SCHIP1: variants seen among roughly 807,000 people sequenced by gnomAD.
The protein encoded by SCHIP1 is schwannomin interacting protein 1.
In SCHIP1, 8 loss-of-function variants were observed where a neutral mutation model predicts 29.7. The ratio of observed to expected loss-of-function variants is 0.27; its 90% confidence interval spans 0.16 to 0.49. The LOEUF is 0.49. Among genes scored for constraint, SCHIP1 ranks in the 20% least tolerant of loss-of-function variants. The pLI, the probability that SCHIP1 is intolerant of heterozygous loss-of-function variation, is 0.99. For synonymous variants in SCHIP1, 76 were observed against 94.9 expected (o/e 0.80, Z 1.16); for missense variants, 193 against 294.6 (o/e 0.66, Z 2.52).
chr3:159,295,358 G>A, the SCHIP1 span, among the ~76,000 whole-genome samples: 1 of 151,858 alleles, frequency 6.6e-6, no homozygotes, highest in Non-Finnish European at 1.5e-5. Flanking sequence ...GAACCCGGGA[G>A]GTGGAGGTTG....
the SCHIP1 span, among the ~76,000 whole-genome samples, chr3:159,353,926 CTT>C: frequency 2.0e-5 from 3 of 152,122 alleles, no homozygotes; most frequent in Non-Finnish European, 4.4e-5. Context: ...TTCAATAATT[CTT>C]TGTTAGCTAC....
At chr3:159,373,522 A>G in the SCHIP1 span, among the ~76,000 whole-genome samples, 1 of 152,048 alleles carries the variant, frequency 6.6e-6, no homozygotes, top group South Asian at 2.1e-4. Context: ...GTCTATCTCC[A>G]AGAAAATAGA....
At chr3:159,728,913 G>A in the SCHIP1 span, among the ~76,000 whole-genome samples, 2 of 152,186 alleles carry the variant, frequency 1.3e-5, no homozygotes, top group Non-Finnish European at 2.9e-5. Context: ...ACTTTGGGAG[G>A]CCAAGGCAGG....
At chr3:159,777,454 G>GA in the SCHIP1 span, among the ~76,000 whole-genome samples, 3 of 151,416 alleles carry the variant, frequency 2.0e-5, no homozygotes. Flanking sequence ...ACATCCAAAG[G>GA]AAAAAAACAA....
At chr3:159,674,073 G>T in the SCHIP1 span, among the ~76,000 whole-genome samples, 1 of 152,090 alleles carries the variant, frequency 6.6e-6, no homozygotes, top group Non-Finnish European at 1.5e-5. Flanking sequence ...TACTTCCTTT[G>T]TTCTTCAAAG....
the SCHIP1 span, among the ~76,000 whole-genome samples, chr3:159,780,218 G>A: frequency 1.3e-5 from 2 of 152,270 alleles, no homozygotes; most frequent in East Asian, 1.9e-4. Flanking sequence ...AGGGACAGTC[G>A]GAGGCCCTCG....
the SCHIP1 span, among the ~76,000 whole-genome samples, chr3:159,664,730 T>C: frequency 1.3e-5 from 2 of 152,222 alleles, no homozygotes; most frequent in Non-Finnish European, 2.9e-5. Flanking sequence ...TAAGACATTC[T>C]GGTTGGACTG....
the SCHIP1 span, among the ~76,000 whole-genome samples, chr3:159,545,759 T>C: frequency 6.7e-6 from 1 of 149,336 alleles, no homozygotes; most frequent in African/African-American, 2.4e-5. Context: ...CACACACATA[T>C]GTATAATACA....
the SCHIP1 span, among the ~76,000 whole-genome samples, chr3:159,769,286 G>GA: frequency 6.6e-6 from 1 of 151,130 alleles, no homozygotes; most frequent in East Asian, 2.0e-4. Context: ...AGTGGGGTGG[G>GA]AGGGGGGGCA....
chr3:159,339,989 ATAATTC>A, the SCHIP1 span, among the ~76,000 whole-genome samples: 1 of 152,102 alleles, frequency 6.6e-6, no homozygotes, highest in African/African-American at 2.4e-5. Context: ...AATTATTAGA[ATAATTC>A]TAATAACCAG....
At chr3:159,511,343 C>G in the SCHIP1 span, among the ~76,000 whole-genome samples, 1 of 152,166 alleles carries the variant, frequency 6.6e-6, no homozygotes, top group Non-Finnish European at 1.5e-5. Flanking sequence ...TGGGAGTGAC[C>G]GGATTTTCCA....
the SCHIP1 span, among the ~76,000 whole-genome samples, chr3:159,363,775 A>C: frequency 6.6e-6 from 1 of 152,222 alleles, no homozygotes; most frequent in South Asian, 2.1e-4. Flanking sequence ...TGACATTGTC[A>C]TGTGAAGGTC....
the SCHIP1 span, among the ~76,000 whole-genome samples, chr3:159,624,665 T>C: frequency 1.3e-5 from 2 of 152,128 alleles, no homozygotes; most frequent in African/African-American, 4.8e-5. Context: ...AGGCATCTAC[T>C]TGGCTGGAGA....
chr3:159,284,582 G>A, the SCHIP1 span, among the ~76,000 whole-genome samples: 5 of 152,038 alleles, frequency 3.3e-5, no homozygotes, highest in East Asian at 1.9e-4. Context: ...TCTGCTTCCC[G>A]GGTTAAAACG....
At chr3:159,275,810 T>C in the SCHIP1 span, among the ~76,000 whole-genome samples, 7 of 152,184 alleles carry the variant, frequency 4.6e-5, no homozygotes, top group Non-Finnish European at 1.0e-4. Flanking sequence ...TGTTAGATAT[T>C]CACATTTCTT....
the SCHIP1 span, among the ~76,000 whole-genome samples, chr3:159,454,374 T>C: frequency 1.3e-5 from 2 of 152,172 alleles, no homozygotes; most frequent in South Asian, 4.2e-4. Flanking sequence ...CTCACCTGCA[T>C]TGGGTGTGGT....
chr3:159,742,544 T>C, the SCHIP1 span, among the ~76,000 whole-genome samples: 1 of 152,200 alleles, frequency 6.6e-6, no homozygotes, highest in East Asian at 1.9e-4. Context: ...AGCAAGTCCT[T>C]TGGACTCTTC....
the SCHIP1 span, among the ~76,000 whole-genome samples, chr3:159,706,399 G>A: frequency 6.6e-6 from 1 of 152,164 alleles, no homozygotes; most frequent in Non-Finnish European, 1.5e-5. Context: ...AGGAAACACT[G>A]GGCAGCGATC....
At chr3:159,439,866 C>CAGAA in the SCHIP1 span, among the ~76,000 whole-genome samples, 5 of 152,240 alleles carry the variant, frequency 3.3e-5, no homozygotes, top group South Asian at 1.0e-3. Flanking sequence ...TTTTGCTGTG[C>CAGAA]AGAAGCTCAT....
Sources: gnomAD v4.1 joint callset for allele counts (sites outside exome capture counted in the v4.1 genomes callset) on GRCh38, gnomAD v4.1.1 for gene constraint, MANE v1.5 for transcripts, NCBI Gene and HGNC (gene_info 2026-07-23, HGNC 2026-07-21) for gene names.